PRRC2C: variants seen among roughly 807,000 people sequenced by gnomAD.
PRRC2C encodes proline rich coiled-coil 2C, also known as protein PRRC2C.
In PRRC2C, 72 loss-of-function variants were observed where a neutral mutation model predicts 317.2. That is an observed-to-expected ratio of 0.23 (90% CI 0.19 to 0.28). The LOEUF is 0.28. Ranked by LOEUF, PRRC2C falls within the 10% of genes least tolerant of loss-of-function variation. The probability of loss-of-function intolerance (pLI) is 1.00; values close to 1 mark genes in which losing one functional copy is unlikely to be tolerated. For synonymous variants in PRRC2C, 1,296 were observed against 1,205.9 expected, an observed-to-expected ratio of 1.07 and a Z score of -1.55; for missense variants, 3,074 against 3,459.7, an observed-to-expected ratio of 0.89 and a Z score of 2.80.
At chr1:171,511,543 A>G (rs897728869) in intron 1 of PRRC2C, 1 of 152,234 alleles carries the variant, frequency 6.6e-6, no homozygotes, top group African/African-American at 2.4e-5. Context: ...TACGAAATGA[A>G]GAGAACATAG....
At chr1:171,533,222 A>G (rs1676191834) in intron 12 of PRRC2C, among the ~76,000 whole-genome samples, 1 of 152,218 alleles carries the variant, frequency 6.6e-6, no homozygotes, top group South Asian at 2.1e-4. Flanking sequence ...ATAGTCACAT[A>G]TACTGATTCT....
intron 1 of PRRC2C, chr1:171,509,844 C>CTTTTTTTTTTTTTTTTTTTT: frequency 1.7e-5 from 1 of 59,770 alleles, no homozygotes; most frequent in Non-Finnish European, 2.9e-5. Flanking sequence ...AACATTGTTT[C>CTTTTTTTTTTTTTTTTTTTT]TTTTTTTTTT....
At chr1:171,566,894 A>G (rs1683761016) in intron 22 of PRRC2C, 51 bp downstream of exon 22, 1 of 1,542,732 alleles carries the variant, frequency 6.5e-7, no homozygotes, top group East Asian at 2.3e-5. Flanking sequence ...CCATGTCTAA[A>G]ATGAACGAGA....
rs759403914 is a variant in PRRC2C, at chr1:171,541,290, A to G, written c.3824A>G (p.Glu1275Gly). 19 of 1,613,900 alleles carry G rather than the reference A, an allele frequency of 1.2e-5. No homozygotes were observed. The East Asian group carries it at 4.0e-4, about 34-fold the overall frequency. ...ACTGACACAGACAGTGAAATTCATG[A>G]AAGTGCAAGTGACAAGGACAGTTTA... ...SETDTDSEIHESASDKDSLSK... is the reference protein window; with the variant it reads ...SETDTDSEIHGSASDKDSLSK... The change falls in exon 16 of 35, where the codon GAA becomes GGA. Residue 1275 changes from glutamate (E) to glycine (G), a missense_variant. By Grantham distance (98) the Glu-to-Gly change is moderately conservative (BLOSUM62 -2). Transcript: ENST00000647382. The surrounding 1 kb of genome is among the most constrained non-coding windows in gnomAD (Gnocchi z 4.1).
intron 23 of PRRC2C, among the ~76,000 whole-genome samples, chr1:171,570,297 GTCTT>G (rs1233111886): frequency 6.6e-6 from 1 of 152,056 alleles, no homozygotes; most frequent in Non-Finnish European, 1.5e-5. Context: ...TAGAACTTTT[GTCTT>G]TCTTAATTAT....
chr1:171,487,691 A>G (rs932351343), intron 1 of PRRC2C, among the ~76,000 whole-genome samples: 12 of 152,196 alleles, frequency 7.9e-5, no homozygotes, highest in Non-Finnish European at 2.9e-5. Flanking sequence ...AGGCTTTTAT[A>G]GGAGTAAAAA....
intron 20 of PRRC2C, among the ~76,000 whole-genome samples, chr1:171,565,841 A>G (rs1200337566): frequency 6.6e-6 from 1 of 152,204 alleles, no homozygotes; most frequent in Non-Finnish European, 1.5e-5. Flanking sequence ...TTTCATTTTC[A>G]AAGCAGACTT....
chr1:171,518,219 C>T (rs1002200104), intron 6 of PRRC2C, among the ~76,000 whole-genome samples: 4 of 152,256 alleles, frequency 2.6e-5, no homozygotes, highest in East Asian at 3.9e-4. Context: ...TAAAGAAGCA[C>T]GTACGTTACC....
At position 171,577,575 on chromosome 1, in the gene PRRC2C, T is replaced by C. The variant is rs1459339478; in HGVS notation, c.7097T>C (p.Met2366Thr). ...SASHFSQLSC[M>T]PSLIAQQQQN... ...AGTCATTTTTCACAGTTAAGCTGTATGCCTTCCCTTATTGCCCAGCAGCAA... is the reference window on the plus strand; with the variant it reads ...AGTCATTTTTCACAGTTAAGCTGTACGCCTTCCCTTATTGCCCAGCAGCAA... The change falls in exon 26 of 35, where the codon ATG becomes ACG. Residue 2366 changes from methionine to threonine, a missense_variant. Coordinates refer to ENST00000647382, the MANE Select transcript of PRRC2C (RefSeq NM_001387844.1). 3 of 1,613,902 alleles carry C rather than the reference T, an allele frequency of 1.9e-6. No homozygotes were observed. Among genetic ancestry groups the C allele is most frequent in the Non-Finnish European group, 2.5e-6 (3 of 1,179,836 alleles).
At chr1:171,503,865 G>A (rs890534129) in intron 1 of PRRC2C, among the ~76,000 whole-genome samples, 4 of 152,192 alleles carry the variant, frequency 2.6e-5, no homozygotes, top group African/African-American at 9.7e-5. Flanking sequence ...CATGGCAGCA[G>A]ACAAAGAGAG....
At chr1:171,581,862 C>T (rs1363290969) in intron 28 of PRRC2C, among the ~76,000 whole-genome samples, 6 of 152,160 alleles carry the variant, frequency 3.9e-5, no homozygotes, top group East Asian at 1.9e-4. Flanking sequence ...TAACCCACTA[C>T]TTTTGATTTA....
chr1:171,508,507 A>G (rs1670682185), intron 1 of PRRC2C, among the ~76,000 whole-genome samples: 1 of 152,184 alleles, frequency 6.6e-6, no homozygotes, highest in Non-Finnish European at 1.5e-5. Context: ...TTAATGTGTT[A>G]TTGAGAAGGA....
At position 171,587,119 on chromosome 1, in the gene PRRC2C, A is replaced by G. The variant is rs758997598; in HGVS notation, c.7866A>G (p.Gln2622=). Residue 2622 remains glutamine (Q), a synonymous_variant, in exon 31 of 35, where the codon CAA becomes CAG. Transcript: ENST00000647382. The part of the protein sequence containing the change: ...LQPPLQHTTP[Q]AQAQSLSRPA... The stretch of plus-strand genomic sequence containing the variant: ...CCCCATTACAGCATACCACTCCCCA[A>G]GCACAGGCTCAGAGTCTGAGTCGTC... 1.9e-6 allele frequency: 3 copies of G among 1,611,818 alleles called. No individual in the cohort carries two copies. Among genetic ancestry groups the G allele is most frequent in the African/African-American group, 2.7e-5 (2 of 75,006 alleles).
At chr1:171,563,431 T>C (rs1201776764) in intron 20 of PRRC2C, among the ~76,000 whole-genome samples, 1 of 152,188 alleles carries the variant, frequency 6.6e-6, no homozygotes, top group African/African-American at 2.4e-5. Flanking sequence ...CAACCATTTA[T>C]AATTTTTTTC....
At chr1:171,497,903 C>CT (rs755454741) in intron 1 of PRRC2C, among the ~76,000 whole-genome samples, 2 of 151,970 alleles carry the variant, frequency 1.3e-5, no homozygotes, top group Non-Finnish European at 1.5e-5. Flanking sequence ...TAGCCTCAAC[C>CT]TCCTAGGCTC....
intron 23 of PRRC2C, among the ~76,000 whole-genome samples, chr1:171,569,796 G>A (rs907755311): frequency 1.1e-4 from 17 of 150,832 alleles, no homozygotes; most frequent in South Asian, 2.1e-4. Flanking sequence ...ATATTTCTAC[G>A]ATAGTGGTTT....
intron 11 of PRRC2C, among the ~76,000 whole-genome samples, chr1:171,531,143 TA>T (rs1386296737): frequency 6.6e-6 from 1 of 152,112 alleles, no homozygotes; most frequent in African/African-American, 2.4e-5. Context: ...TACATGTATA[TA>T]AAATTCTAGG....
rs1238130359 is a variant in PRRC2C at position 171,558,056 on chromosome 1, A to G, written c.5944A>G (p.Thr1982Ala). 5 of 1,613,656 alleles carry G rather than the reference A, an allele frequency of 3.1e-6. No homozygotes were observed. Among genetic ancestry groups the G allele is most frequent in the Admixed American group, 1.7e-5 (1 of 59,966 alleles). Residue 1982 changes from threonine to alanine, a missense_variant, in exon 19 of 35, where the codon ACC becomes GCC. Thr to Ala is a moderately conservative substitution (Grantham distance 58, BLOSUM62 0). This residue lies in a region of PRRC2C where 640 missense variants were observed against 676.1 expected (regional missense o/e 0.95). Coordinates refer to ENST00000647382, the MANE Select transcript of PRRC2C (RefSeq NM_001387844.1). ...TGTAGCCTCAGGAAAATCCATCCAG[A>G]CCCCACAGTCACATGGCACTCTGAC... ...DYVASGKSIQ[T>A]PQSHGTLTAE...
chr1:171,552,958 G>A (rs1680591155), intron 18 of PRRC2C, among the ~76,000 whole-genome samples: 1 of 152,156 alleles, frequency 6.6e-6, no homozygotes, highest in African/African-American at 2.4e-5. Flanking sequence ...TTTGGTATCA[G>A]GATGATGCTG....
Sources: allele counts gnomAD v4.1 joint callset (sites outside exome capture counted in the v4.1 genomes callset), GRCh38; gene constraint gnomAD v4.1.1; regional missense constraint gnomAD v4.1.1; non-coding constraint Gnocchi (gnomAD v3.1); transcripts MANE v1.5; gene names NCBI Gene and HGNC (gene_info 2026-07-23, HGNC 2026-07-21).